RFC3: variants seen among roughly 807,000 people sequenced by gnomAD.
RFC3 encodes replication factor C subunit 3.
A neutral mutation model predicts 45.1 loss-of-function variants in RFC3; 41 were observed. The ratio of observed to expected loss-of-function variants is 0.91; its 90% confidence interval spans 0.71 to 1.18. The LOEUF is 1.18. Ranked by LOEUF, RFC3 falls within the 50% of genes most tolerant of loss-of-function variation. RFC3 has a pLI of 0.00. For synonymous variants in RFC3, 149 were observed against 144.0 expected (o/e 1.03, Z -0.25); for missense variants, 423 against 428.1 (o/e 0.99, Z 0.10).
intron 8 of RFC3, among the ~76,000 whole-genome samples, chr13:33,951,234 T>C (rs1397549467): frequency 8.5e-6 from 1 of 117,246 alleles, no homozygotes; most frequent in Non-Finnish European, 1.8e-5. Context: ...TATAAGTACA[T>C]TTTTTTTTTT....
intron 7 of RFC3, among the ~76,000 whole-genome samples, chr13:33,834,387 CT>C (rs1441478757): frequency 7.0e-6 from 1 of 141,952 alleles, no homozygotes; most frequent in East Asian, 2.0e-4. Context: ...TTGGAACTTT[CT>C]CTCTTTTTTT....
At chr13:33,861,622 G>T (rs1447974329) in intron 8 of RFC3, among the ~76,000 whole-genome samples, 2 of 148,568 alleles carry the variant, frequency 1.3e-5, no homozygotes, top group East Asian at 3.9e-4. Context: ...TCCAGCCTAG[G>T]CAACAAGAGC....
chr13:33,877,165 G>A (rs1229747961), intron 8 of RFC3, among the ~76,000 whole-genome samples: 1 of 152,194 alleles, frequency 6.6e-6, no homozygotes, highest in Non-Finnish European at 1.5e-5. Context: ...TTACCTGTGA[G>A]AAGGCTGAGG....
chr13:33,848,024 C>T (rs557383085), intron 8 of RFC3: 4 of 152,338 alleles, frequency 2.6e-5, no homozygotes, highest in African/African-American at 9.6e-5. Flanking sequence ...TGACCTTATA[C>T]ATGCCCAAGG....
downstream of RFC3, among the ~76,000 whole-genome samples, chr13:33,839,016 TGTGTA>T (rs2082178199): frequency 6.6e-6 from 1 of 152,212 alleles, no homozygotes; most frequent in Non-Finnish European, 1.5e-5. Flanking sequence ...TCCTTCTGTC[TGTGTA>T]GTTTAGTGAC....
At chr13:33,832,321 A>G (rs1030596965) in intron 7 of RFC3, among the ~76,000 whole-genome samples, 8 of 152,172 alleles carry the variant, frequency 5.3e-5, no homozygotes, top group Admixed American at 2.0e-4. Context: ...AGTTCAGTCT[A>G]TAGACTGAAT....
intron 8 of RFC3, among the ~76,000 whole-genome samples, chr13:33,931,351 C>T (rs892081991): frequency 2.0e-5 from 3 of 152,140 alleles, no homozygotes; most frequent in East Asian, 1.9e-4. Context: ...AACACAGGAG[C>T]GGGTCCCCAC....
chr13:33,888,971 C>T (rs2082546078), intron 8 of RFC3, among the ~76,000 whole-genome samples: 1 of 152,174 alleles, frequency 6.6e-6, no homozygotes, highest in Non-Finnish European at 1.5e-5. Flanking sequence ...GTCTCAATCT[C>T]CTGACCTTGT....
At position 33,830,713 on chromosome 13, in the gene RFC3, T is replaced by A; in HGVS notation, c.574-6T>A. 1 of 1,597,008 alleles carries A rather than the reference T, an allele frequency of 6.3e-7. No homozygotes were observed. Among genetic ancestry groups the A allele is most frequent in the Non-Finnish European group, 8.5e-7 (1 of 1,173,876 alleles). The stretch of plus-strand genomic sequence containing the variant: ...GATTGCCCATTTTTGTTAATTTTAT[T>A]TGTAGATTTGCCACGTGTTATCTAC... On this transcript the variant is annotated splice_polypyrimidine_tract_variant and splice_region_variant and intron_variant, in intron 5 of 8. Transcript: ENST00000380071.
intron 8 of RFC3, among the ~76,000 whole-genome samples, chr13:33,953,096 A>G (rs922827073): frequency 2.6e-5 from 4 of 152,180 alleles, no homozygotes; most frequent in Non-Finnish European, 4.4e-5. Flanking sequence ...AAGAAATTAA[A>G]TATATAATTT....
intron 8 of RFC3, among the ~76,000 whole-genome samples, chr13:33,852,478 A>G (rs1176425434): frequency 2.0e-5 from 3 of 152,114 alleles, no homozygotes; most frequent in Non-Finnish European, 4.4e-5. Flanking sequence ...TGTTTTGTTG[A>G]TCTCAACTTG....
intron 8 of RFC3, among the ~76,000 whole-genome samples, chr13:33,928,521 G>A (rs1393174940): frequency 6.6e-6 from 1 of 152,098 alleles, no homozygotes; most frequent in African/African-American, 2.4e-5. Flanking sequence ...AATTGGGCAT[G>A]TTGAGGTGAG....
intron 8 of RFC3, among the ~76,000 whole-genome samples, chr13:33,871,507 T>C (rs1234357570): frequency 6.6e-6 from 1 of 152,216 alleles, no homozygotes; most frequent in Non-Finnish European, 1.5e-5. Context: ...TGTGATGACA[T>C]TGGCCACAGC....
chr13:33,903,591 C>T (rs2082654563), intron 8 of RFC3, among the ~76,000 whole-genome samples: 1 of 152,008 alleles, frequency 6.6e-6, no homozygotes, highest in Admixed American at 6.6e-5. Context: ...CTCTATGTAC[C>T]CCAGATGTCC....
At chr13:33,883,842 T>G (rs1486523184) in intron 8 of RFC3, among the ~76,000 whole-genome samples, 1 of 152,164 alleles carries the variant, frequency 6.6e-6, no homozygotes, top group Admixed American at 6.5e-5. Flanking sequence ...GGTACTAGGC[T>G]TAATACCTGG....
At chr13:33,939,235 T>G (rs1384633899) in intron 8 of RFC3, among the ~76,000 whole-genome samples, 1 of 152,154 alleles carries the variant, frequency 6.6e-6, no homozygotes, top group Admixed American at 6.5e-5. Context: ...ATAGTCCAAT[T>G]TATCCATCCC....
chr13:33,830,956 G>T, intron 6 of RFC3, 101 bp downstream of exon 6: 1 of 926,054 alleles, frequency 1.1e-6, no homozygotes, highest in Non-Finnish European at 1.6e-6. Context: ...GACTGGGCAG[G>T]GGTGGGGGAT....
At chr13:33,943,692 A>G (rs2082938292) in intron 8 of RFC3, among the ~76,000 whole-genome samples, 1 of 152,176 alleles carries the variant, frequency 6.6e-6, no homozygotes, top group South Asian at 2.1e-4. Context: ...TTCCAAGTTC[A>G]CATGGCTGTT....
intron 8 of RFC3, among the ~76,000 whole-genome samples, chr13:33,920,252 GTTCCATCACAGTAAC>G (rs2082759950): frequency 6.6e-6 from 1 of 152,022 alleles, no homozygotes; most frequent in Non-Finnish European, 1.5e-5. Flanking sequence ...GATTAAAAAA[GTTCCATCACAGTAAC>G]TTCCAACCAA....
Sources: allele counts gnomAD v4.1 joint callset (sites outside exome capture counted in the v4.1 genomes callset), GRCh38; gene constraint gnomAD v4.1.1; transcripts MANE v1.5; gene names NCBI Gene and HGNC (gene_info 2026-07-23, HGNC 2026-07-21).